The following ABCC8 variants were observed in gnomAD, a reference collection of about 807,000 sequenced individuals.
ABCC8 encodes the protein ATP binding cassette subfamily C member 8.
In ABCC8, 137 loss-of-function variants were observed where a neutral mutation model predicts 188.0. That is an observed-to-expected ratio of 0.73 (90% CI 0.63 to 0.84). The LOEUF is 0.84. Among genes scored for constraint, ABCC8 ranks in the 40% least tolerant of loss-of-function variants. The probability of loss-of-function intolerance (pLI) is 0.00; values close to 1 mark genes in which losing one functional copy is unlikely to be tolerated. For synonymous variants in ABCC8, 797 were observed against 846.5 expected, an observed-to-expected ratio of 0.94 and a Z score of 1.01; for missense variants, 1,750 against 2,072.7, an observed-to-expected ratio of 0.84 and a Z score of 3.02.
chr11:17,447,225 C>T (rs1956571697), intron 8 of ABCC8, among the ~76,000 whole-genome samples: 1 of 152,280 alleles, frequency 6.6e-6, no homozygotes, highest in African/African-American at 2.4e-5. Context: ...GCCTGAACAC[C>T]AGGGTGAAGA....
chr11:17,458,274 G>A (rs1215636993), intron 6 of ABCC8, among the ~76,000 whole-genome samples: 1 of 152,356 alleles, frequency 6.6e-6, no homozygotes, highest in South Asian at 2.1e-4. Flanking sequence ...GGATTTGTGT[G>A]CTAAGTAACT....
intron 23 of ABCC8, 154 bp downstream of exon 23, chr11:17,408,238 T>C: frequency 1.4e-6 from 1 of 711,418 alleles, no homozygotes; most frequent in Non-Finnish European, 2.4e-6. Context: ...GTACTGTCTC[T>C]CCTCTGGTAG....
chr11:17,393,843 T>C, intron 37 of ABCC8, 84 bp from the exon 38 acceptor site: 1 of 1,613,386 alleles, frequency 6.2e-7, no homozygotes, highest in Non-Finnish European at 8.5e-7. Context: ...AGCCCAGGTC[T>C]GTGGCTCAGC....
chr11:17,442,985 C>A, intron 9 of ABCC8, 103 bp from the exon 10 acceptor site: 1 of 1,584,432 alleles, frequency 6.3e-7, no homozygotes, highest in Non-Finnish European at 8.6e-7. Context: ...CGCCTCCTGT[C>A]CTCACCGGGA....
chr11:17,459,005 G>C (rs944588371), intron 6 of ABCC8, among the ~76,000 whole-genome samples: 2 of 152,170 alleles, frequency 1.3e-5, no homozygotes, highest in African/African-American at 4.8e-5. Context: ...GATAATAATA[G>C]TCAATTTAGC....
intron 16 of ABCC8, among the ~76,000 whole-genome samples, chr11:17,424,039 G>A (rs956609858): frequency 2.0e-5 from 3 of 152,150 alleles, no homozygotes; most frequent in African/African-American, 7.2e-5. Flanking sequence ...CACAGTGCCT[G>A]GCCTATAATA....
intron 19 of ABCC8, 35 bp downstream of exon 19, chr11:17,414,477 C>T: frequency 6.2e-7 from 1 of 1,613,226 alleles, no homozygotes; most frequent in South Asian, 1.1e-5. Flanking sequence ...CAGTTCCTCC[C>T]CTCCACATCC....
chr11:17,447,430 A>C (rs995299307), intron 8 of ABCC8, among the ~76,000 whole-genome samples: 4 of 152,014 alleles, frequency 2.6e-5, no homozygotes, highest in African/African-American at 9.7e-5. Context: ...TAACGTTTTT[A>C]TTTTTATTTT....
At chr11:17,441,864 G>A (rs1196997781) in intron 10 of ABCC8, among the ~76,000 whole-genome samples, 3 of 152,210 alleles carry the variant, frequency 2.0e-5, no homozygotes, top group South Asian at 2.1e-4. Flanking sequence ...GGTGGATCAC[G>A]AGGTCAGGAG....
In ABCC8 at chr11:17,407,569, T is replaced by G. The variant is rs1954604311; in HGVS notation, c.2821-116A>C. On this transcript the variant is annotated intron_variant, in intron 23 of 38. Coordinates refer to ENST00000389817, the MANE Select transcript of ABCC8 (RefSeq NM_000352.6). ...CAATGTCAGATTTCTACTTTGTCCC[T>G]GCCTGAGGGAGGGGCAGACAGACAC... The G allele has an allele frequency of 1.8e-5, 28 of 1,537,870 alleles. No homozygotes were observed. In the South Asian group the frequency reaches 3.2e-4, roughly 18 times the overall value.
chr11:17,397,712 A>C lies in ABCC8; in HGVS notation c.3839T>G (p.Val1280Gly). The C allele has an allele frequency of 6.2e-7, 1 of 1,613,544 alleles. No homozygotes were observed. The highest frequency in any genetic ancestry group is 8.5e-7 in the Non-Finnish European group (1 of 1,179,996). ...TAGGGCGTAGGTAAGGCCCAGGCCCACCAGGCCAGCAGAGAGCTCCCTGTG... is the reference window on the plus strand; with the variant it reads ...TAGGGCGTAGGTAAGGCCCAGGCCCCCCAGGCCAGCAGAGAGCTCCCTGTG... ...SLHRELSAGL[V>G]GLGLTYALMV... The change falls in exon 31 of 39, where the codon GTG becomes GGG. Residue 1280 changes from valine (V) to glycine (G), a missense_variant. By Grantham distance (109) the Val-to-Gly change is moderately radical. Coordinates refer to ENST00000389817, the MANE Select transcript of ABCC8 (RefSeq NM_000352.6).
chr11:17,473,489 C>T (rs1848589288), intron 2 of ABCC8, among the ~76,000 whole-genome samples: 2 of 152,142 alleles, frequency 1.3e-5, no homozygotes, highest in African/African-American at 2.4e-5. Flanking sequence ...CATCCAACTA[C>T]AGGAGCCAGG....
At chr11:17,402,606 G>A in intron 29 of ABCC8, 55 bp downstream of exon 29, 1 of 1,614,038 alleles carries the variant, frequency 6.2e-7, no homozygotes, top group Non-Finnish European at 8.5e-7. Context: ...CATGGCCTGT[G>A]CCCCCTGGCC....
At position 17,470,117 on chromosome 11, in the gene ABCC8, GA is replaced by G. The variant is rs776444419; in HGVS notation, c.395del (p.Phe132SerfsTer5). 6.2e-7 allele frequency: 1 copy of G among 1,614,180 alleles called. No individual in the cohort carries two copies. The highest frequency in any genetic ancestry group is 1.3e-5 in the African/African-American group (1 of 75,042). ...VYYHNIETSNFPKLLIALLVY... is the reference protein window; with the variant it reads ...VYYHNIETSNXPKLLIALLVY... Reference sequence around the variant, plus strand: ...CTCACCTACCAATTAGCAGCTTGGGGAAGTTGGAAGTCTCGATGTTGTGATA... The same window carrying G: ...CTCACCTACCAATTAGCAGCTTGGGGAGTTGGAAGTCTCGATGTTGTGATA... On this transcript the variant is annotated frameshift_variant, in exon 3 of 39. Transcript: ENST00000389817. LOFTEE classifies it high-confidence loss of function.
rs773812588 is a variant in ABCC8, at chr11:17,474,948, G to A, written c.228C>T (p.Ile76=). 1.2e-6 allele frequency: 2 copies of A among 1,614,168 alleles called. No homozygotes were observed. The highest frequency in any genetic ancestry group is 3.3e-5 in the Admixed American group (2 of 59,996). ...GGACGAAGAGCAGCATGAAGGTCAG[G>A]ATCCACCGCAGGTTGTGCCCAGGGA... is the stretch of plus-strand genomic sequence containing the variant. ...LHFPGHNLRW[I]LTFMLLFVLV... The change falls in exon 2 of 39, where the codon ATC becomes ATT. Residue 76 remains isoleucine (I), a synonymous_variant. Transcript: ENST00000389817.
At chr11:17,459,970 G>A (rs545175754) in intron 6 of ABCC8, among the ~76,000 whole-genome samples, 5 of 152,078 alleles carry the variant, frequency 3.3e-5, no homozygotes, top group Non-Finnish European at 5.9e-5. Context: ...ATAAAACTAC[G>A]GGCAGCTTTG....
intron 3 of ABCC8, among the ~76,000 whole-genome samples, chr11:17,466,868 G>T (rs190595686): frequency 7.2e-4 from 109 of 152,202 alleles, no homozygotes; most frequent in African/African-American, 2.4e-3. Context: ...GTTTTGGCAT[G>T]TTGGCCAGGC....
chr11:17,393,545 C>T (rs1011119608), intron 38 of ABCC8, 152 bp downstream of exon 38: 7 of 1,276,292 alleles, frequency 5.5e-6, no homozygotes, highest in Admixed American at 1.7e-5. Flanking sequence ...TCCCTGCATG[C>T]CCTCCAGGCC....
intron 18 of ABCC8, among the ~76,000 whole-genome samples, chr11:17,415,085 T>C (rs1471885863): frequency 1.5e-5 from 1 of 67,396 alleles, no homozygotes; most frequent in Non-Finnish European, 3.0e-5. Flanking sequence ...GAAAAAGAGA[T>C]CCCAGATAAA....
Sources: gnomAD v4.1 joint callset for allele counts (sites outside exome capture counted in the v4.1 genomes callset) on GRCh38, gnomAD v4.1.1 for gene constraint, MANE v1.5 for transcripts, NCBI Gene and HGNC (gene_info 2026-07-23, HGNC 2026-07-21) for gene names.